Variants in CAMK2B observed in about 807,000 individuals in gnomAD.
CAMK2B encodes the protein calcium/calmodulin-dependent protein kinase type II subunit beta.
Under a neutral mutation model 93.7 loss-of-function variants are expected in CAMK2B, and 27 were observed. The observed-to-expected ratio is 0.29, with a 90% CI of 0.21 to 0.40. CAMK2B has a LOEUF of 0.40. CAMK2B is among the 10% of genes least tolerant of loss of function. The pLI is 1.00. For missense variants in CAMK2B, 568 were observed against 895.8 expected, an observed-to-expected ratio of 0.63 and a Z score of 4.67; for synonymous variants, 374 against 358.8, an observed-to-expected ratio of 1.04 and a Z score of -0.48.
rs182115467 is a variant in CAMK2B at position 44,321,542 on chromosome 7, G to A, written c.65+3815C>T. 4.3e-3 allele frequency among the ~76,000 whole-genome samples: 654 copies of A among 152,294 alleles called. 3 individuals carry two copies. The highest frequency in any genetic ancestry group is 9.0e-3 in the Admixed American group (138 of 15,294). On this transcript the variant is annotated intron_variant, in intron 1 of 23. Coordinates refer to ENST00000395749, the MANE Select transcript of CAMK2B (RefSeq NM_001220.5). ...TCTTTGTCTGTAAAATGGGGCTGGG[G>A]AGAAGGGCCTTTCTGGACAATTGGA...
chr7:44,288,981 AGCAGGAAGCGTCATTGTCT>A (rs1221671059), intron 1 of CAMK2B, among the ~76,000 whole-genome samples: 6 of 152,152 alleles, frequency 3.9e-5, no homozygotes, highest in African/African-American at 1.4e-4. Context: ...AGGCAGAGGC[AGCAGGAAGCGTCATTGTCT>A]GCAGGATGCC....
chr7:44,294,372 T>C (rs963325159), intron 1 of CAMK2B, among the ~76,000 whole-genome samples: 4 of 152,060 alleles, frequency 2.6e-5, no homozygotes, highest in Admixed American at 6.5e-5. Context: ...GAACAGACAG[T>C]TGGTCCCCAG....
At chr7:44,261,772 G>A (rs35397936) in intron 3 of CAMK2B, among the ~76,000 whole-genome samples, 48,065 of 152,194 alleles carry the variant, frequency 0.32, 8,123 homozygotes, top group Non-Finnish European at 0.38. Context: ...GAATTGTCAG[G>A]AAATCTATTT....
intron 4 of CAMK2B, among the ~76,000 whole-genome samples, chr7:44,257,882 G>T (rs1255972577): frequency 6.6e-6 from 1 of 152,214 alleles, no homozygotes; most frequent in African/African-American, 2.4e-5. Context: ...CCCCACGCAG[G>T]CGTGTCCTGT....
intron 15 of CAMK2B, among the ~76,000 whole-genome samples, chr7:44,233,506 C>T (rs897707376): frequency 3.3e-5 from 5 of 152,100 alleles, no homozygotes; most frequent in African/African-American, 9.7e-5. Context: ...GGCTGGCTCC[C>T]GAAGCCTGGC....
chr7:44,285,553 T>C (rs1443489461), intron 1 of CAMK2B, among the ~76,000 whole-genome samples: 1 of 152,178 alleles, frequency 6.6e-6, no homozygotes, highest in Non-Finnish European at 1.5e-5. Context: ...AAGAGGAGCG[T>C]CTTACATACG....
intron 1 of CAMK2B, among the ~76,000 whole-genome samples, chr7:44,310,044 G>A (rs1478861230): frequency 6.6e-6 from 1 of 152,246 alleles, no homozygotes; most frequent in South Asian, 2.1e-4. Context: ...ACCAAGCCAC[G>A]CGCGGAACCG....
chr7:44,259,078 G>T, intron 3 of CAMK2B, 152 bp from the exon 4 acceptor site: 1 of 713,390 alleles, frequency 1.4e-6, no homozygotes, highest in Non-Finnish European at 2.4e-6. Context: ...GCAGGCCAGA[G>T]GGCAGGGCTG....
At chr7:44,274,985 C>T (rs964482918) in intron 2 of CAMK2B, among the ~76,000 whole-genome samples, 4 of 152,292 alleles carry the variant, frequency 2.6e-5, no homozygotes, top group East Asian at 1.9e-4. Context: ...GGCAGGGAGG[C>T]GATGGTCTTT....
Position 44,225,927 on chromosome 7 carries a change from C to G in CAMK2B, c.1597+589G>C, listed in dbSNP as rs76057632. The G allele has an allele frequency of 1.9e-5, 24 of 1,276,344 alleles. No individual in the cohort carries two copies. The African/African-American group carries it at 3.4e-4, about 18-fold the overall frequency. 79.1% of individuals were successfully genotyped at this position (1,276,344 alleles called of 1,614,324 possible). ...TACTGCGGGTAGTCGGCAGACAGAC[C>G]GGGAGGTGGCCCAGCCTGGCTCCTC... is the stretch of plus-strand genomic sequence containing the variant. On this transcript the variant is annotated intron_variant, in intron 20 of 23. Transcript: ENST00000395749. The surrounding 1 kb of genome is among the most constrained non-coding windows in gnomAD (Gnocchi z 5.0).
At chr7:44,252,747 G>C (rs904781632) in intron 5 of CAMK2B, among the ~76,000 whole-genome samples, 2 of 152,164 alleles carry the variant, frequency 1.3e-5, no homozygotes, top group Non-Finnish European at 2.9e-5. Flanking sequence ...GAGTCCACCT[G>C]GCCAGCAGGC....
chr7:44,295,443 T>C (rs550977053), intron 1 of CAMK2B, among the ~76,000 whole-genome samples: 1 of 152,348 alleles, frequency 6.6e-6, no homozygotes, highest in East Asian at 1.9e-4. Context: ...TAAAATCAAG[T>C]GTGCAGAATC....
At chr7:44,258,803 G>A in intron 4 of CAMK2B, 69 bp downstream of exon 4, 1 of 1,411,122 alleles carries the variant, frequency 7.1e-7, no homozygotes, top group South Asian at 1.2e-5. Flanking sequence ...GGGCTGGGGA[G>A]GCTGCAGATC....
intron 1 of CAMK2B, among the ~76,000 whole-genome samples, chr7:44,320,154 T>G (rs1051055408): frequency 6.6e-6 from 1 of 152,188 alleles, no homozygotes; most frequent in Non-Finnish European, 1.5e-5. Flanking sequence ...AAATTTCTAG[T>G]CTTGCTGGTG....
At chr7:44,247,280 GC>G in intron 5 of CAMK2B, 88 bp from the exon 6 acceptor site, 1 of 1,099,756 alleles carries the variant, frequency 9.1e-7, no homozygotes, top group Non-Finnish European at 1.4e-6. Flanking sequence ...GTGCTGTGTG[GC>G]CTGGGGGGAC....
At chr7:44,242,361 C>A in intron 9 of CAMK2B, 21 bp from the exon 10 acceptor site, 1 of 1,607,308 alleles carries the variant, frequency 6.2e-7, no homozygotes. Context: ...AAACAGCGCC[C>A]CGGCCGGGCC....
intron 2 of CAMK2B, among the ~76,000 whole-genome samples, chr7:44,272,536 G>A (rs537945122): frequency 2.6e-5 from 4 of 152,346 alleles, no homozygotes; most frequent in South Asian, 2.1e-4. Flanking sequence ...TCCACCACCC[G>A]CAAGAAGCAC....
intron 4 of CAMK2B, among the ~76,000 whole-genome samples, chr7:44,255,381 C>T (rs147926679): frequency 7.2e-5 from 11 of 152,298 alleles, no homozygotes; most frequent in East Asian, 5.8e-4. Context: ...GCTGGATGCA[C>T]GGCAGGGGAG....
intron 5 of CAMK2B, among the ~76,000 whole-genome samples, chr7:44,252,500 G>C (rs1357920213): frequency 6.7e-6 from 1 of 149,792 alleles, no homozygotes; most frequent in Non-Finnish European, 1.5e-5. Context: ...TGAGCAGGAG[G>C]GTGGGAGTGA....
Sources: allele counts gnomAD v4.1 joint callset (sites outside exome capture counted in the v4.1 genomes callset), GRCh38; gene constraint gnomAD v4.1.1; non-coding constraint Gnocchi (gnomAD v3.1); transcripts MANE v1.5; gene names NCBI Gene and HGNC (gene_info 2026-07-23, HGNC 2026-07-21).